Variants in CD200R1 observed in about 807,000 individuals in gnomAD.
CD200R1 encodes CD200 receptor 1.
A neutral mutation model predicts 38.1 loss-of-function variants in CD200R1; 30 were observed. The ratio of observed to expected loss-of-function variants is 0.79; its 90% CI spans 0.59 to 1.07. CD200R1 has a LOEUF of 1.07. CD200R1 is among the 50% of genes least tolerant of loss of function. The probability of loss-of-function intolerance (pLI) is 0.00; values close to 1 mark genes in which losing one functional copy is unlikely to be tolerated. For missense variants in CD200R1, 372 were observed against 415.4 expected, an observed-to-expected ratio of 0.90 and a Z score of 0.91; for synonymous variants, 128 against 152.1, an observed-to-expected ratio of 0.84 and a Z score of 1.16.
intron 2 of CD200R1, among the ~76,000 whole-genome samples, chr3:112,938,466 C>T (rs537035994): frequency 1.1e-3 from 160 of 152,112 alleles, no homozygotes; most frequent in African/African-American, 3.9e-3. Context: ...CCATTAGAAA[C>T]TATTATGAAC....
At chr3:112,964,588 C>A (rs1263423152) in intron 1 of CD200R1, among the ~76,000 whole-genome samples, 1 of 152,212 alleles carries the variant, frequency 6.6e-6, no homozygotes, top group Non-Finnish European at 1.5e-5. Flanking sequence ...CTGTATTTCA[C>A]AATGCCTGTA....
chr3:112,969,117 GA>G (rs1044648704), intron 1 of CD200R1, among the ~76,000 whole-genome samples: 4 of 150,686 alleles, frequency 2.7e-5, no homozygotes, highest in South Asian at 2.1e-4. Context: ...TCTCAGCAGA[GA>G]AAAAAAACTT....
At position 112,974,830 on chromosome 3, in the gene CD200R1, G is replaced by C. The variant is rs1375678544; in HGVS notation, c.28C>G (p.Leu10Val). 2 of 1,613,562 alleles carry C rather than the reference G, an allele frequency of 1.2e-6. No homozygotes were observed. Among genetic ancestry groups the C allele is most frequent in the Admixed American group, 1.7e-5 (1 of 59,902 alleles). Residue 10 changes from leucine to valine, a missense_variant, in exon 1 of 8, where the codon CTA (leucine) becomes GTA (valine). Coordinates refer to ENST00000308611, the MANE Select transcript of CD200R1 (RefSeq NM_138806.4). MLCPWRTAN[L>V]GLLLILTIFL... ...ATAGTCAAAATCAACAGTAGCCCTA[G>C]GTTAGCAGTTCTCCAAGGGCAGAGC... is the stretch of plus-strand genomic sequence containing the variant.
intron 6 of CD200R1, 129 bp downstream of exon 6, chr3:112,924,956 C>T (rs1171486972): frequency 3.0e-6 from 2 of 668,900 alleles, no homozygotes; most frequent in Non-Finnish European, 5.3e-6. Context: ...CTATCTAACA[C>T]CTTCAAGATT....
intron 2 of CD200R1, among the ~76,000 whole-genome samples, chr3:112,945,280 G>C (rs1018718963): frequency 1.6e-4 from 24 of 152,230 alleles, no homozygotes; most frequent in African/African-American, 3.9e-4. Context: ...TATTGAAGAA[G>C]AACAAAGTTT....
At chr3:112,959,845 G>A (rs1240513517) in intron 1 of CD200R1, among the ~76,000 whole-genome samples, 4 of 151,936 alleles carry the variant, frequency 2.6e-5, no homozygotes, top group Non-Finnish European at 5.9e-5. Context: ...AATTTCTAAT[G>A]GCTTGAAAAT....
chr3:112,941,071 G>C (rs1011110864), intron 2 of CD200R1, among the ~76,000 whole-genome samples: 1 of 151,688 alleles, frequency 6.6e-6, no homozygotes, highest in Non-Finnish European at 1.5e-5. Flanking sequence ...AACATCACAT[G>C]TTCTCATTCT....
chr3:112,962,731 AC>A (rs1347863746), intron 1 of CD200R1, among the ~76,000 whole-genome samples: 1 of 152,204 alleles, frequency 6.6e-6, no homozygotes, highest in African/African-American at 2.4e-5. Flanking sequence ...GCCAGATATA[AC>A]CCATGAGCTG....
At chr3:112,930,014 T>G (rs1047236713) in intron 3 of CD200R1, among the ~76,000 whole-genome samples, 1 of 152,104 alleles carries the variant, frequency 6.6e-6, no homozygotes, top group Non-Finnish European at 1.5e-5. Flanking sequence ...TAGTGCTTTC[T>G]TTTAAAGTAA....
intron 2 of CD200R1, among the ~76,000 whole-genome samples, chr3:112,945,238 G>C (rs1940820401): frequency 6.6e-6 from 1 of 152,140 alleles, no homozygotes. Flanking sequence ...AGTTTATCTA[G>C]AGAGGCAAAA....
intron 2 of CD200R1, among the ~76,000 whole-genome samples, chr3:112,938,125 G>C (rs1940630178): frequency 6.6e-6 from 1 of 152,094 alleles, no homozygotes; most frequent in South Asian, 2.1e-4. Context: ...ATAGAATCAT[G>C]TTATCTGCAA....
chr3:112,930,993 A>T, intron 3 of CD200R1, 113 bp downstream of exon 3: 1 of 732,450 alleles, frequency 1.4e-6, no homozygotes, highest in Non-Finnish European at 2.4e-6. Context: ...TCAGATCACC[A>T]AGTTCTTCAA....
In CD200R1 at chr3:112,922,303, A is replaced by C. The variant is rs1279519788; in HGVS notation, c.*1374T>G. On this transcript the variant is annotated 3_prime_UTR_variant, in exon 8 of 8. Coordinates refer to ENST00000308611, the MANE Select transcript of CD200R1 (RefSeq NM_138806.4). ...TCTCATGTTTTTTCTGCTATGGAGC[A>C]AATAGACTTATGTTTTTAATTAAAA... 6.6e-6 allele frequency: 1 copy of C among 152,006 alleles called. No homozygotes were observed. The highest frequency in any genetic ancestry group is 1.5e-5 in the Non-Finnish European group (1 of 67,924). 9.4% of individuals were successfully genotyped at this position (152,006 alleles called of 1,614,324 possible). A position where few individuals can be genotyped will look rare whatever the true frequency, so the allele number is the denominator to read the frequency against.
intron 1 of CD200R1, among the ~76,000 whole-genome samples, chr3:112,952,649 G>C (rs911961936): frequency 2.6e-5 from 4 of 151,942 alleles, no homozygotes; most frequent in Admixed American, 1.3e-4. Context: ...GGTGGGAGGA[G>C]GGGGGAGGGA....
chr3:112,969,108 C>A (rs1330792984), intron 1 of CD200R1, among the ~76,000 whole-genome samples: 3 of 151,870 alleles, frequency 2.0e-5, no homozygotes, highest in African/African-American at 7.3e-5. Flanking sequence ...ACAGAAAAAT[C>A]TCAGCAGAGA....
intron 1 of CD200R1, among the ~76,000 whole-genome samples, chr3:112,962,276 G>A (rs1933041828): frequency 6.6e-6 from 1 of 152,118 alleles, no homozygotes; most frequent in Non-Finnish European, 1.5e-5. Flanking sequence ...CAGATGTTGT[G>A]TAAATGTGTA....
chr3:112,974,369 C>T (rs1335871078), intron 1 of CD200R1, among the ~76,000 whole-genome samples: 1 of 152,004 alleles, frequency 6.6e-6, no homozygotes, highest in Non-Finnish European at 1.5e-5. Context: ...CCTGGAGTTA[C>T]AGGCTGCAGT....
At chr3:112,949,422 T>C (rs1374949742) in intron 1 of CD200R1, among the ~76,000 whole-genome samples, 5 of 152,266 alleles carry the variant, frequency 3.3e-5, no homozygotes, top group Non-Finnish European at 7.3e-5. Flanking sequence ...TTTAAGATAA[T>C]TTATGGAATG....
chr3:112,929,305 A>C lies in CD200R1; in HGVS notation c.405T>G (p.Asp135Glu). Residue 135 changes from aspartate (D) to glutamate (E), a missense_variant, in exon 4 of 8, where the codon GAT becomes GAG. Transcript: ENST00000308611. ...DERITWVSRP[D>E]QNSDLQIRTV... ...TACGAATCTGAAGGTCCGAATTCTG[A>C]TCAGGTCTGGAGACCCAGGTTATTC... 6.2e-7 allele frequency: 1 copy of C among 1,614,186 alleles called. No individual in the cohort carries two copies. Among genetic ancestry groups the C allele is most frequent in the Non-Finnish European group, 8.5e-7 (1 of 1,180,032 alleles).
Sources: gnomAD v4.1 joint callset for allele counts (sites outside exome capture counted in the v4.1 genomes callset) on GRCh38, gnomAD v4.1.1 for gene constraint, MANE v1.5 for transcripts, NCBI Gene and HGNC (gene_info 2026-07-23, HGNC 2026-07-21) for gene names.